The following EIPR1 variants were observed in gnomAD, a reference collection of about 807,000 sequenced individuals.
EIPR1 encodes the protein EARP complex and GARP complex interacting protein 1, also known as EARP and GARP complex-interacting protein 1.
A neutral mutation model predicts 48.1 loss-of-function variants in EIPR1; 25 were observed. The ratio of observed to expected loss-of-function variants is 0.52; its 90% CI spans 0.38 to 0.73. The LOEUF (loss-of-function observed/expected upper bound fraction) is 0.73. Among genes scored for constraint, EIPR1 ranks in the 30% least tolerant of loss-of-function variants. The probability of loss-of-function intolerance (pLI) is 0.00; values close to 1 mark genes in which losing one functional copy is unlikely to be tolerated. For synonymous variants in EIPR1, 204 were observed against 201.9 expected, an observed-to-expected ratio of 1.01 and a Z score of -0.09; for missense variants, 415 against 506.2, an observed-to-expected ratio of 0.82 and a Z score of 1.73.
At chr2:3,269,454 ATCACCACACTCAG>A (rs1266164531) in intron 3 of EIPR1, among the ~76,000 whole-genome samples, 11 of 62,326 alleles carry the variant, frequency 1.8e-4, no homozygotes, top group African/African-American at 6.4e-4. Flanking sequence ...ACACTCAATC[ATCACCACACTCAG>A]TCATCGCACT....
chr2:3,220,971 A>G (rs74583599), intron 4 of EIPR1, among the ~76,000 whole-genome samples: 6,334 of 38,852 alleles, frequency 0.16, 2,058 homozygotes, highest in East Asian at 0.43. Flanking sequence ...CACGATGACC[A>G]TGGTACACTC....
At chr2:3,200,455 C>T (rs1236085652) in intron 5 of EIPR1, among the ~76,000 whole-genome samples, 2 of 152,204 alleles carry the variant, frequency 1.3e-5, no homozygotes, top group South Asian at 2.1e-4. Flanking sequence ...CCTCTCTCCA[C>T]AGTAAGCTGA....
intron 1 of EIPR1, among the ~76,000 whole-genome samples, chr2:3,368,158 G>C (rs1271484724): frequency 6.6e-6 from 1 of 152,164 alleles, no homozygotes; most frequent in African/African-American, 2.4e-5. Context: ...CCCTCAGACT[G>C]ATGGCACAAA....
chr2:3,309,729 T>C (rs941025539), intron 3 of EIPR1, among the ~76,000 whole-genome samples: 2 of 152,114 alleles, frequency 1.3e-5, no homozygotes, highest in Non-Finnish European at 2.9e-5. Flanking sequence ...GTCACTGACT[T>C]GAGACCCCAA....
chr2:3,338,235 A>G, intron 2 of EIPR1, 86 bp from the exon 3 acceptor site: 1 of 1,509,112 alleles, frequency 6.6e-7, no homozygotes, highest in Non-Finnish European at 9.0e-7. Context: ...AAGAATAGTC[A>G]CATGCACATT....
intron 4 of EIPR1, among the ~76,000 whole-genome samples, chr2:3,256,127 T>C (rs1027120595): frequency 6.6e-6 from 1 of 152,136 alleles, no homozygotes; most frequent in African/African-American, 2.4e-5. Flanking sequence ...GCACAGCAAG[T>C]ATAAAAATAA....
intron 1 of EIPR1, among the ~76,000 whole-genome samples, chr2:3,365,733 C>A (rs967794663): frequency 5.3e-5 from 8 of 151,104 alleles, no homozygotes; most frequent in African/African-American, 1.5e-4. Context: ...CAAAGCACAT[C>A]TTGCACCGCC....
At chr2:3,209,942 C>T (rs1386481439) in intron 5 of EIPR1, among the ~76,000 whole-genome samples, 2 of 152,122 alleles carry the variant, frequency 1.3e-5, no homozygotes, top group South Asian at 4.1e-4. Flanking sequence ...TGTGACACCA[C>T]GGTAGAGGAC....
chr2:3,292,441 T>A (rs1322355404), intron 3 of EIPR1, among the ~76,000 whole-genome samples: 2 of 151,918 alleles, frequency 1.3e-5, no homozygotes, highest in East Asian at 3.9e-4. Flanking sequence ...ACTTCCCCCA[T>A]GCTCACCATG....
chr2:3,322,169 G>T (rs1669552140), intron 3 of EIPR1, among the ~76,000 whole-genome samples: 1 of 152,198 alleles, frequency 6.6e-6, no homozygotes, highest in Non-Finnish European at 1.5e-5. Flanking sequence ...GGCCTCCGTG[G>T]TGCCTTGGCT....
chr2:3,349,339 T>G (rs1190498816), intron 2 of EIPR1, among the ~76,000 whole-genome samples: 2 of 152,176 alleles, frequency 1.3e-5, no homozygotes, highest in Non-Finnish European at 2.9e-5. Context: ...CTCCAGCCAC[T>G]CACCCACCTC....
At chr2:3,208,383 C>A in intron 5 of EIPR1, 1 of 1,370,312 alleles carries the variant, frequency 7.3e-7, no homozygotes, top group Non-Finnish European at 9.7e-7. Context: ...GGGCATCAGA[C>A]CTGACCCACA....
chr2:3,197,919 G>A (rs1291469415), intron 5 of EIPR1, among the ~76,000 whole-genome samples: 1 of 152,208 alleles, frequency 6.6e-6, no homozygotes, highest in African/African-American at 2.4e-5. Flanking sequence ...CTGAGGGCAG[G>A]TCCAAACGAG....
chr2:3,305,198 T>C (rs1485788766), intron 3 of EIPR1, among the ~76,000 whole-genome samples: 90 of 60,948 alleles, frequency 1.5e-3, no homozygotes, highest in Middle Eastern at 0.017. Flanking sequence ...CAGTTCAACC[T>C]TCCACTCCCG....
At chr2:3,256,000 A>T (rs1157225829) in intron 4 of EIPR1, among the ~76,000 whole-genome samples, 2 of 152,164 alleles carry the variant, frequency 1.3e-5, no homozygotes, top group Non-Finnish European at 2.9e-5. Flanking sequence ...CAGCAGTGGC[A>T]ATCACTCCTG....
At chr2:3,369,814 G>A (rs1377383018) in intron 1 of EIPR1, among the ~76,000 whole-genome samples, 1 of 152,194 alleles carries the variant, frequency 6.6e-6, no homozygotes, top group Non-Finnish European at 1.5e-5. Context: ...GCAGGGCACA[G>A]ACAAACAAAA....
chr2:3,228,179 C>T (rs187956650), intron 4 of EIPR1, among the ~76,000 whole-genome samples: 3 of 152,376 alleles, frequency 2.0e-5, no homozygotes, highest in Non-Finnish European at 2.9e-5. Flanking sequence ...AGCAGCCAGT[C>T]GGGTGTACCC....
intron 4 of EIPR1, among the ~76,000 whole-genome samples, chr2:3,222,598 G>C (rs1665931587): frequency 1.3e-5 from 2 of 152,188 alleles, no homozygotes; most frequent in Admixed American, 1.3e-4. Context: ...AAGATCACAG[G>C]GAACATTGTA....
chr2:3,318,736 TC>T, intron 3 of EIPR1: 1 of 418,214 alleles, frequency 2.4e-6, no homozygotes, highest in Non-Finnish European at 5.0e-6. Context: ...AGAGTTCTCC[TC>T]ACACACCGTT....
Sources: allele counts gnomAD v4.1 joint callset (sites outside exome capture counted in the v4.1 genomes callset), GRCh38; gene constraint gnomAD v4.1.1; transcripts MANE v1.5; gene names NCBI Gene and HGNC (gene_info 2026-07-23, HGNC 2026-07-21).